Variants in RIMS2 observed in about 807,000 individuals in gnomAD.
RIMS2 encodes the protein regulating synaptic membrane exocytosis 2, also known as regulating synaptic membrane exocytosis protein 2.
A neutral mutation model predicts 174.4 loss-of-function variants in RIMS2; 59 were observed. The observed-to-expected ratio is 0.34, with a 90% CI of 0.27 to 0.42. RIMS2 has a LOEUF of 0.42. RIMS2 is among the 10% of genes least tolerant of loss of function. RIMS2 has a pLI of 1.00. For missense variants in RIMS2, 1,620 were observed against 1,666.3 expected (o/e 0.97, Z 0.48); for synonymous variants, 606 against 572.5 (o/e 1.06, Z -0.84).
intron 3 of RIMS2, among the ~76,000 whole-genome samples, chr8:103,779,327 A>G (rs769792816): frequency 5.9e-5 from 9 of 152,052 alleles, no homozygotes; most frequent in Non-Finnish European, 1.0e-4. Flanking sequence ...GCCCAGATCT[A>G]TGTCCTGGAA....
rs578191359 is a variant in RIMS2, at chr8:104,161,790, T to C, written c.3335-83126T>C. Among the ~76,000 whole-genome samples, 13 of 152,358 alleles carry C rather than the reference T, an allele frequency of 8.5e-5. No homozygotes were observed. In the East Asian group the frequency reaches 2.5e-3, roughly 29 times the overall value. ...CCACGCTCGGATTTTATCTTAAGACTCAAGGCAAGACTCCATTTCCAAGGT... is the reference window on the plus strand; with the variant it reads ...CCACGCTCGGATTTTATCTTAAGACCCAAGGCAAGACTCCATTTCCAAGGT... On this transcript the variant is annotated intron_variant, in intron 19 of 23. Coordinates refer to ENST00000504942, the Ensembl canonical transcript of RIMS2.
At chr8:104,219,375 T>A (rs1017883561) in intron 19 of RIMS2, among the ~76,000 whole-genome samples, 1 of 152,218 alleles carries the variant, frequency 6.6e-6, no homozygotes, top group African/African-American at 2.4e-5. Context: ...TGAGTTTGAG[T>A]CTTGCTCTGC....
chr8:104,227,211 C>CTTTT (rs55927938), intron 19 of RIMS2, among the ~76,000 whole-genome samples: 3 of 126,742 alleles, frequency 2.4e-5, no homozygotes, highest in Admixed American at 7.8e-5. Flanking sequence ...ACTTGGAGCT[C>CTTTT]TTTTTTTTTT....
At chr8:103,820,552 G>A (rs2098745687) in intron 3 of RIMS2, among the ~76,000 whole-genome samples, 1 of 151,580 alleles carries the variant, frequency 6.6e-6, no homozygotes, top group African/African-American at 2.4e-5. Context: ...TCCTATTTTG[G>A]AGATTAAAAA....
At chr8:104,190,566 A>C (rs562125993) in intron 19 of RIMS2, among the ~76,000 whole-genome samples, 87 of 152,212 alleles carry the variant, frequency 5.7e-4, no homozygotes, top group African/African-American at 2.0e-3. Context: ...GCAAGTCTCC[A>C]AATATTTTGA....
intron 19 of RIMS2, among the ~76,000 whole-genome samples, chr8:104,236,759 A>G (rs2099261051): frequency 6.6e-6 from 1 of 152,130 alleles, no homozygotes; most frequent in African/African-American, 2.4e-5. Flanking sequence ...TTAGAAACAT[A>G]AAAAATTAGT....
intron 12 of RIMS2, 143 bp downstream of exon 14, chr8:103,931,536 A>T: frequency 2.1e-6 from 1 of 481,298 alleles, no homozygotes; most frequent in Non-Finnish European, 3.5e-6. Flanking sequence ...TTCTTAGGAA[A>T]CAAAATAGTG....
chr8:103,930,813 A>G (rs2079773045), intron 11 of RIMS2, among the ~76,000 whole-genome samples: 1 of 152,154 alleles, frequency 6.6e-6, no homozygotes, highest in African/African-American at 2.4e-5. Context: ...CTGTGAAACA[A>G]CATAAAACAT....
intron 2 of RIMS2, among the ~76,000 whole-genome samples, chr8:103,728,740 T>C (rs1276532009): frequency 7.1e-6 from 1 of 140,514 alleles, no homozygotes; most frequent in Non-Finnish European, 1.5e-5. Context: ...TGTTGAGGTA[T>C]GCTCCTTCTT....
intron 1 of RIMS2, among the ~76,000 whole-genome samples, chr8:103,560,903 GACA>G (rs932590806): frequency 3.3e-5 from 5 of 152,044 alleles, no homozygotes; most frequent in African/African-American, 4.8e-5. Context: ...CTTGTAAACA[GACA>G]ACAACAACAA....
intron 1 of RIMS2, among the ~76,000 whole-genome samples, chr8:103,674,891 TG>T (rs1250079870): frequency 2.6e-5 from 4 of 152,224 alleles, no homozygotes; most frequent in Non-Finnish European, 5.9e-5. Flanking sequence ...TATATAACCT[TG>T]AATTTATATT....
chr8:104,181,049 A>G (rs759348444), intron 19 of RIMS2, among the ~76,000 whole-genome samples: 1 of 151,758 alleles, frequency 6.6e-6, no homozygotes, highest in Non-Finnish European at 1.5e-5. Context: ...AAGGCTTCAT[A>G]GTCAAATAAG....
At chr8:104,028,347 A>G (rs1346795394) in intron 19 of RIMS2, among the ~76,000 whole-genome samples, 2 of 152,140 alleles carry the variant, frequency 1.3e-5, no homozygotes, top group East Asian at 3.8e-4. Context: ...TCTTCAAATT[A>G]CCTAATATTT....
chr8:104,014,574 GACAGCTTCC>G (rs2095851218), exon 19 of RIMS2: 2 of 1,612,762 alleles, frequency 1.2e-6, no homozygotes, highest in Non-Finnish European at 8.5e-7. Context: ...CGAAGGGGCC[GACAGCTTCC>G]ACAGCTTCCA....
intron 19 of RIMS2, among the ~76,000 whole-genome samples, chr8:104,084,451 A>AAAAAC (rs2097497579): frequency 1.3e-5 from 2 of 151,544 alleles, no homozygotes; most frequent in African/African-American, 4.8e-5. Flanking sequence ...AAAAAAAAAA[A>AAAAAC]AAAAACTAAA....
chr8:104,052,132 T>A (rs983587394), intron 19 of RIMS2, among the ~76,000 whole-genome samples: 16 of 152,170 alleles, frequency 1.1e-4, no homozygotes, highest in African/African-American at 3.9e-4. Flanking sequence ...AGGAAATTTT[T>A]AGGGTGATAG....
intron 14 of RIMS2, among the ~76,000 whole-genome samples, chr8:103,947,155 G>T (rs1265079003): frequency 6.6e-6 from 1 of 152,130 alleles, no homozygotes; most frequent in Non-Finnish European, 1.5e-5. Context: ...AGTCTTCAAA[G>T]AAAACATAGG....
chr8:103,630,938 A>C (rs997696427), intron 1 of RIMS2, among the ~76,000 whole-genome samples: 19 of 152,144 alleles, frequency 1.2e-4, no homozygotes, highest in Non-Finnish European at 2.6e-4. Flanking sequence ...GTGTCTGTTC[A>C]TGTTCTCTGC....
chr8:103,630,032 T>C (rs2095873967), intron 1 of RIMS2, among the ~76,000 whole-genome samples: 1 of 151,054 alleles, frequency 6.6e-6, no homozygotes, highest in African/African-American at 2.4e-5. Flanking sequence ...CTTCACAAAT[T>C]GGGGGAAAGT....
Sources: gnomAD v4.1 joint callset for allele counts (sites outside exome capture counted in the v4.1 genomes callset) on GRCh38, gnomAD v4.1.1 for gene constraint, MANE v1.5 for transcripts, NCBI Gene and HGNC (gene_info 2026-07-23, HGNC 2026-07-21) for gene names.